Variants in CYP27A1 observed in about 807,000 individuals in gnomAD.
The protein encoded by CYP27A1 is cytochrome P450 family 27 subfamily A member 1, also known as sterol 26-hydroxylase, mitochondrial.
Under a neutral mutation model 58.2 loss-of-function variants are expected in CYP27A1, and 46 were observed. The observed-to-expected ratio is 0.79, with a 90% CI of 0.62 to 1.01. The LOEUF (loss-of-function observed/expected upper bound fraction) is 1.01. CYP27A1 is among the 50% of genes least tolerant of loss of function. The pLI is 0.00. For synonymous variants in CYP27A1, 274 were observed against 285.1 expected (o/e 0.96, Z 0.39); for missense variants, 704 against 687.0 (o/e 1.02, Z -0.28).
chr2:218,793,723 T>C (rs1302860958), intron 1 of CYP27A1, among the ~76,000 whole-genome samples: 1 of 151,866 alleles, frequency 6.6e-6, no homozygotes, highest in African/African-American at 2.4e-5. Flanking sequence ...CTTTCTTTTT[T>C]TTTTTTTTTG....
In CYP27A1 at chr2:218,814,922, G is replaced by C; in HGVS notation, c.1488G>C (p.Lys496Asn). 1 of 1,614,264 alleles carries C rather than the reference G, an allele frequency of 6.2e-7. No homozygotes were observed. Among genetic ancestry groups the C allele is most frequent in the Non-Finnish European group, 8.5e-7 (1 of 1,180,048 alleles). The stretch of plus-strand genomic sequence containing the variant: ...TCTTTACCCCCCAGCTGATCCAGAA[G>C]TACAAGGTGGTCCTGGCCCCGGAGA... ...MQLLLARLIQ[K>N]YKVVLAPETG... is the part of the protein sequence containing the mutation. The change falls in exon 9 of 9, where the codon AAG becomes AAC. Residue 496 changes from lysine (K) to asparagine (N), a missense_variant. Transcript: ENST00000258415.
Position 218,814,432 on chromosome 2 carries a change from G to A in CYP27A1, c.1237G>A (p.Val413Ile), listed in dbSNP as rs1943764350. 1.2e-6 allele frequency: 2 copies of A among 1,614,144 alleles called. No individual in the cohort carries two copies. Among genetic ancestry groups the A allele is most frequent in the Non-Finnish European group, 1.7e-6 (2 of 1,180,056 alleles). Residue 413 changes from valine to isoleucine, a missense_variant, in exon 7 of 9, where the codon GTT (valine) becomes ATT (isoleucine). Coordinates refer to ENST00000258415, the MANE Select transcript of CYP27A1 (RefSeq NM_000784.4). ...NSRIIEKEIE[V>I]DGFLFPKNTQ... The stretch of plus-strand genomic sequence containing the variant: ...CCGGATCATAGAAAAGGAAATTGAA[G>A]TTGATGGCTTCCTCTTCCCCAAGAA...
intron 1 of CYP27A1, among the ~76,000 whole-genome samples, chr2:218,805,284 C>T (rs114151898): frequency 0.043 from 6,535 of 152,276 alleles, 460 homozygotes; most frequent in African/African-American, 0.14. Flanking sequence ...CTTTCTATGT[C>T]TGTCTCTGTC....
At chr2:218,803,137 G>A (rs1315219348) in intron 1 of CYP27A1, among the ~76,000 whole-genome samples, 1 of 152,120 alleles carries the variant, frequency 6.6e-6, no homozygotes, top group South Asian at 2.1e-4. Context: ...TAGAGACAGG[G>A]TTTTGCCATA....
intron 2 of CYP27A1, among the ~76,000 whole-genome samples, chr2:218,811,342 T>A (rs992846561): frequency 6.6e-6 from 1 of 152,198 alleles, no homozygotes; most frequent in Non-Finnish European, 1.5e-5. Context: ...TAGGTAGGAT[T>A]TTGTCTCCTC....
At chr2:218,805,275 T>C (rs1422917441) in intron 1 of CYP27A1, among the ~76,000 whole-genome samples, 1 of 152,234 alleles carries the variant, frequency 6.6e-6, no homozygotes, top group Non-Finnish European at 1.5e-5. Context: ...CCCCACCCCC[T>C]TTCTATGTCT....
intron 1 of CYP27A1, among the ~76,000 whole-genome samples, chr2:218,793,112 G>A (rs1180556252): frequency 6.6e-6 from 1 of 152,186 alleles, no homozygotes; most frequent in African/African-American, 2.4e-5. Context: ...GTCTCACTCT[G>A]TCACCCAGGC....
intron 2 of CYP27A1, among the ~76,000 whole-genome samples, chr2:218,810,073 G>A (rs189993825): frequency 1.3e-5 from 2 of 152,208 alleles, no homozygotes; most frequent in East Asian, 3.9e-4. Context: ...GAGTTCAGGG[G>A]TTCGAGATCA....
chr2:218,812,564 T>C lies in CYP27A1; in HGVS notation c.659T>C (p.Ile220Thr). ...YYFALEAICY[I>T]LFEKRIGCLQ... ...GTGCACTACTCAGCTATTTGCTACATCCTGTTCGAGAAACGCATTGGCTGC... is the reference window on the plus strand; with the variant it reads ...GTGCACTACTCAGCTATTTGCTACACCCTGTTCGAGAAACGCATTGGCTGC... The change falls in exon 4 of 9, where the codon ATC becomes ACC. Residue 220 changes from isoleucine (I) to threonine (T), a missense_variant. Transcript: ENST00000258415. 1 of 1,614,190 alleles carries C rather than the reference T, an allele frequency of 6.2e-7. No homozygotes were observed. Among genetic ancestry groups the C allele is most frequent in the Non-Finnish European group, 8.5e-7 (1 of 1,180,034 alleles).
At chr2:218,790,671 G>C (rs1481082147) in intron 1 of CYP27A1, among the ~76,000 whole-genome samples, 1 of 151,974 alleles carries the variant, frequency 6.6e-6, no homozygotes, top group Non-Finnish European at 1.5e-5. Flanking sequence ...ATCTGCTAGA[G>C]AGCCTATCAT....
chr2:218,792,620 C>A (rs1314890332), intron 1 of CYP27A1, among the ~76,000 whole-genome samples: 1 of 152,076 alleles, frequency 6.6e-6, no homozygotes, highest in Non-Finnish European at 1.5e-5. Flanking sequence ...TCATAAACTG[C>A]ATCAGAATTA....
chr2:218,790,425 A>T (rs1943480686), intron 1 of CYP27A1, among the ~76,000 whole-genome samples: 1 of 152,222 alleles, frequency 6.6e-6, no homozygotes, highest in South Asian at 2.1e-4. Flanking sequence ...AAACAAACCA[A>T]CTAAAATCAA....
chr2:218,812,737 A>G lies in CYP27A1; in HGVS notation c.832A>G (p.Ile278Val). 6.2e-7 allele frequency: 1 copy of G among 1,614,156 alleles called. No homozygotes were observed. Among genetic ancestry groups the G allele is most frequent in the East Asian group, 2.2e-5 (1 of 44,880 alleles). Residue 278 changes from isoleucine to valine, a missense_variant, in exon 4 of 9, where the codon ATC becomes GTC. By Grantham distance (29) the Ile-to-Val change is conservative. Transcript: ENST00000258415. ...WKRYLDGWNA[I>V]FSFGKKLIDE... ...GCGATACCTGGATGGTTGGAATGCC[A>G]TCTTTTCCTTTGGTGAGGACTCCCA... is the stretch of plus-strand genomic sequence containing the variant.
At chr2:218,806,361 C>A (rs1358672212) in intron 1 of CYP27A1, among the ~76,000 whole-genome samples, 1 of 152,186 alleles carries the variant, frequency 6.6e-6, no homozygotes, top group East Asian at 1.9e-4. Flanking sequence ...GTGATTTCAT[C>A]CCCCAGGGGA....
chr2:218,791,467 G>A (rs72966038), intron 1 of CYP27A1, among the ~76,000 whole-genome samples: 54,661 of 152,030 alleles, frequency 0.36, 10,613 homozygotes, highest in Non-Finnish European at 0.43. Context: ...TCTATTATTC[G>A]TAGGGGCATA....
chr2:218,797,523 A>G (rs1248129775), intron 1 of CYP27A1, among the ~76,000 whole-genome samples: 1 of 152,230 alleles, frequency 6.6e-6, no homozygotes. Context: ...CATTTTGGCA[A>G]TCTCTAAACA....
intron 1 of CYP27A1, among the ~76,000 whole-genome samples, chr2:218,807,577 A>G (rs1006384551): frequency 1.3e-5 from 2 of 151,302 alleles, no homozygotes; most frequent in African/African-American, 4.9e-5. Flanking sequence ...AAGCAGTCTG[A>G]CCCCCTCCGC....
Position 218,782,814 on chromosome 2 carries a change from C to T in CYP27A1, c.255+377C>T, listed in dbSNP as rs920202493. 4.6e-5 allele frequency among the ~76,000 whole-genome samples: 7 copies of T among 152,298 alleles called. 1 individual carries two copies. In the East Asian group the frequency reaches 1.2e-3, roughly 25 times the overall value. On this transcript the variant is annotated intron_variant, in intron 1 of 8. Coordinates refer to ENST00000258415, the MANE Select transcript of CYP27A1 (RefSeq NM_000784.4). This position sits in a 1 kb window ranked among gnomAD's most constrained non-coding sequence, Gnocchi z 4.1. The stretch of plus-strand genomic sequence containing the variant: ...GGCTGATATTGGCTACCACAGACTT[C>T]TTCCAAACGAAATAACTTCAGGAGG...
chr2:218,808,035 T>G (rs562901546), intron 1 of CYP27A1, among the ~76,000 whole-genome samples: 19 of 152,366 alleles, frequency 1.2e-4, no homozygotes, highest in African/African-American at 4.3e-4. Flanking sequence ...TTTCACATAA[T>G]CTATCTTGGA....
Sources: allele counts gnomAD v4.1 joint callset (sites outside exome capture counted in the v4.1 genomes callset), GRCh38; gene constraint gnomAD v4.1.1; non-coding constraint Gnocchi (gnomAD v3.1); transcripts MANE v1.5; gene names NCBI Gene and HGNC (gene_info 2026-07-23, HGNC 2026-07-21).